The following HPCAL4 variants were observed in gnomAD, a reference collection of about 807,000 sequenced individuals.
HPCAL4 encodes hippocalcin like 4.
A neutral mutation model predicts 18.2 loss-of-function variants in HPCAL4; 16 were observed. The ratio of observed to expected loss-of-function variants is 0.88; its 90% CI spans 0.59 to 1.33. The LOEUF (loss-of-function observed/expected upper bound fraction) is 1.33, where lower values mean the gene tolerates loss of function less well. Among genes scored for constraint, HPCAL4 ranks in the 40% most tolerant of loss-of-function variants. HPCAL4 has a pLI of 0.00. For synonymous variants in HPCAL4, 80 were observed against 97.5 expected (o/e 0.82, Z 1.06); for missense variants, 214 against 256.6 (o/e 0.83, Z 1.14).
rs1460046345 is a variant in HPCAL4, at chr1:39,680,128, AAGCCTATAAAGG to A, written c.*2396_*2407del. 1.3e-5 allele frequency: 2 copies of A among 152,624 alleles called. No individual in the cohort carries two copies. The highest frequency in any genetic ancestry group is 4.8e-5 in the African/African-American group (2 of 41,454). 9.5% of individuals were successfully genotyped at this position (152,624 alleles called of 1,614,324 possible). A position where few individuals can be genotyped will look rare whatever the true frequency, so the allele number is the denominator to read the frequency against. On this transcript the variant is annotated 3_prime_UTR_variant, in exon 4 of 4. Coordinates refer to ENST00000372844, the MANE Select transcript of HPCAL4 (RefSeq NM_016257.4). ...ACAATCTCAGAAGCTTTTTAGCAGGAAGCCTATAAAGGATGAATATCAATGTAACTTGCCCTG... is the reference window on the plus strand; with the variant it reads ...ACAATCTCAGAAGCTTTTTAGCAGGAATGAATATCAATGTAACTTGCCCTG...
Position 39,684,140 on chromosome 1 carries a change from CG to C in HPCAL4, c.174del (p.Tyr58Ter). On this transcript the variant is annotated frameshift_variant, in exon 3 of 4. Transcript: ENST00000372844. LOFTEE classifies it high-confidence loss of function. ...TGCTGCGCGAACTTGGAGGCGTCGC[CG>C]TAGGGGAAGAACTGAGGGGGGTGCG... The part of the protein sequence containing the change: ...FQQLYIKFFP[Y>X]GDASKFAQHA... The C allele has an allele frequency of 6.2e-7, 1 of 1,611,700 alleles. No homozygotes were observed. Among genetic ancestry groups the C allele is most frequent in the Non-Finnish European group, 8.5e-7 (1 of 1,178,938 alleles).
chr1:39,690,717 G>A (rs1646711216), intron 1 of HPCAL4, among the ~76,000 whole-genome samples: 1 of 152,058 alleles, frequency 6.6e-6, no homozygotes, highest in African/African-American at 2.4e-5. Flanking sequence ...GAGAAAAACT[G>A]GGGAAGGGGG....
intron 1 of HPCAL4, among the ~76,000 whole-genome samples, chr1:39,686,307 C>T (rs1320325830): frequency 6.6e-6 from 1 of 151,982 alleles, no homozygotes; most frequent in Non-Finnish European, 1.5e-5. Context: ...GCTGAGATGG[C>T]ACCACTGTAC....
chr1:39,687,508 G>A (rs895912694), intron 1 of HPCAL4, among the ~76,000 whole-genome samples: 2 of 152,208 alleles, frequency 1.3e-5, no homozygotes, highest in Non-Finnish European at 2.9e-5. Context: ...GAGTGCACAC[G>A]TCTCTCTGTG....
intron 1 of HPCAL4, among the ~76,000 whole-genome samples, chr1:39,690,669 C>T (rs1646710970): frequency 6.6e-6 from 1 of 151,916 alleles, no homozygotes; most frequent in Non-Finnish European, 1.5e-5. Flanking sequence ...CTCTGCCTAG[C>T]ACTGGGGGCC....
Position 39,679,912 on chromosome 1 carries a change from G to A in HPCAL4, c.*2624C>T, listed in dbSNP as rs1454781247. ...CCAGAAGCCTGGAGTAATCAAACAC[G>A]CCTTCATGGGTAGGCATGTTTCTCT... On this transcript the variant is annotated 3_prime_UTR_variant, in exon 4 of 4. Transcript: ENST00000372844. The A allele has an allele frequency of 6.6e-6, 1 of 152,550 alleles. No homozygotes were observed. Among genetic ancestry groups the A allele is most frequent in the African/African-American group, 2.4e-5 (1 of 41,458 alleles). 9.4% of individuals were successfully genotyped at this position (152,550 alleles called of 1,614,324 possible). A position where few individuals can be genotyped will look rare whatever the true frequency, so the allele number is the denominator to read the frequency against.
intron 3 of HPCAL4, among the ~76,000 whole-genome samples, chr1:39,683,544 C>T (rs1309507634): frequency 1.3e-5 from 2 of 152,248 alleles, no homozygotes; most frequent in African/African-American, 4.8e-5. Context: ...GCACCTACGG[C>T]CTGACCCCGC....
intron 1 of HPCAL4, among the ~76,000 whole-genome samples, chr1:39,688,556 C>A (rs910373775): frequency 6.6e-6 from 1 of 152,146 alleles, no homozygotes; most frequent in Non-Finnish European, 1.5e-5. Context: ...AAGTGCCTTT[C>A]TTTTGATTCC....
rs1646613563 is a variant in HPCAL4, at chr1:39,680,160, G to A, written c.*2376C>T. 2 of 152,696 alleles carry A rather than the reference G, an allele frequency of 1.3e-5. No homozygotes were observed. Among genetic ancestry groups the A allele is most frequent in the African/African-American group, 4.8e-5 (2 of 41,566 alleles). 9.5% of individuals were successfully genotyped at this position (152,696 alleles called of 1,614,324 possible). A position where few individuals can be genotyped will look rare whatever the true frequency, so the allele number is the denominator to read the frequency against. ...TAAAGGATGAATATCAATGTAACTTGCCCTGCTGTCAACCTCTGCACAGCT... is the reference window on the plus strand; with the variant it reads ...TAAAGGATGAATATCAATGTAACTTACCCTGCTGTCAACCTCTGCACAGCT... On this transcript the variant is annotated 3_prime_UTR_variant, in exon 4 of 4. Transcript: ENST00000372844.
chr1:39,683,130 G>A (rs1011788148), intron 3 of HPCAL4, among the ~76,000 whole-genome samples: 10 of 152,058 alleles, frequency 6.6e-5, no homozygotes, highest in South Asian at 2.1e-4. Flanking sequence ...GTAATCCACC[G>A]GCCTCACCCT....
intron 1 of HPCAL4, among the ~76,000 whole-genome samples, chr1:39,685,224 C>CCAA (rs1357461740): frequency 6.6e-6 from 1 of 152,196 alleles, no homozygotes; most frequent in Non-Finnish European, 1.5e-5. Flanking sequence ...CAGACATGAG[C>CCAA]CAACCTTCAA....
In HPCAL4 at chr1:39,680,789, A is replaced by C. The variant is rs1007459923; in HGVS notation, c.*1747T>G. 1 of 152,368 alleles carries C rather than the reference A, an allele frequency of 6.6e-6. No homozygotes were observed. The highest frequency in any genetic ancestry group is 2.4e-5 in the African/African-American group (1 of 41,440). The allele number at this position is 152,368 out of a possible 1,614,324, so 9.4% of individuals were successfully genotyped here. ...GTGGCCTTGCTACCTCCAAGGGCCC[A>C]GTAGAGCTTGGGACCAAGCTCTATT... On this transcript the variant is annotated 3_prime_UTR_variant, in exon 4 of 4. Transcript: ENST00000372844.
rs1646642889 is a variant in HPCAL4, at chr1:39,683,224, G to A, written c.379-491C>T. On this transcript the variant is annotated intron_variant, in intron 3 of 3. Transcript: ENST00000372844. ...ATTTAGACTAAATAATATTTATGTG[G>A]ATGAAACATGCCAGAAGCCCAACTC... 2.6e-5 allele frequency among the ~76,000 whole-genome samples: 4 copies of A among 152,298 alleles called. No homozygotes were observed. In the South Asian group the frequency reaches 8.3e-4, roughly 32 times the overall value.
Position 39,684,429 on chromosome 1 carries a change from G to T in HPCAL4, c.162+13C>A. 7.1e-7 allele frequency: 1 copy of T among 1,407,402 alleles called. No homozygotes were observed. Among genetic ancestry groups the T allele is most frequent in the South Asian group, 1.7e-5 (1 of 58,666 alleles). The allele number at this position is 1,407,402 out of a possible 1,614,324, so 87.2% of individuals were successfully genotyped here. A position where few individuals can be genotyped will look rare whatever the true frequency, so the allele number is the denominator to read the frequency against. ...GGTACTTGGCTCCCTCACACCAGGT[G>T]CCGGCCGCCCACCTTGATGTAGAGC... is the stretch of plus-strand genomic sequence containing the variant. On this transcript the variant is annotated intron_variant, in intron 2 of 3. Transcript: ENST00000372844.
chr1:39,684,090 GTTC>G lies in HPCAL4; in HGVS notation c.222_224del (p.Lys74del). On this transcript the variant is annotated inframe_deletion, in exon 3 of 4. Transcript: ENST00000372844. ...CCCGGAAGTCGATGGTGCCGTCGCCGTTCTTGTCGAAGGTGCGGAAAGCGTGCT... is the reference window on the plus strand; with the variant it reads ...CCCGGAAGTCGATGGTGCCGTCGCCGTTGTCGAAGGTGCGGAAAGCGTGCT... 6.2e-7 allele frequency: 1 copy of G among 1,613,940 alleles called. No homozygotes were observed. The highest frequency in any genetic ancestry group is 8.5e-7 in the Non-Finnish European group (1 of 1,179,876).
chr1:39,682,424 G>T lies in HPCAL4; in HGVS notation c.*112C>A. On this transcript the variant is annotated 3_prime_UTR_variant, in exon 4 of 4. Coordinates refer to ENST00000372844, the MANE Select transcript of HPCAL4 (RefSeq NM_016257.4). ...AGGGCTTGGGCAGAGGACTGGGTGG[G>T]CCAGAGAGGGGGGCTGGAGTGTCCC... is the stretch of plus-strand genomic sequence containing the variant. 1 of 943,970 alleles carries T rather than the reference G, an allele frequency of 1.1e-6. No homozygotes were observed. The highest frequency in any genetic ancestry group is 1.6e-6 in the Non-Finnish European group (1 of 609,658). 58.5% of individuals were successfully genotyped at this position (943,970 alleles called of 1,614,324 possible). A position where few individuals can be genotyped will look rare whatever the true frequency, so the allele number is the denominator to read the frequency against.
At chr1:39,687,909 A>AAATAAAT (rs143422757) in intron 1 of HPCAL4, among the ~76,000 whole-genome samples, 2 of 143,644 alleles carry the variant, frequency 1.4e-5, no homozygotes, top group African/African-American at 5.0e-5. Context: ...TCTCAAAAAA[A>AAATAAAT]AAATAAGTAA....
intron 3 of HPCAL4, among the ~76,000 whole-genome samples, 187 bp downstream of exon 3, chr1:39,683,750 C>G (rs1646646702): frequency 6.6e-6 from 1 of 152,152 alleles, no homozygotes; most frequent in African/African-American, 2.4e-5. Flanking sequence ...GGGACAGTAA[C>G]CAACCCCTCC....
rs1199464774 is a variant in HPCAL4, at chr1:39,681,918, AC to A, written c.*617del. On this transcript the variant is annotated 3_prime_UTR_variant, in exon 4 of 4. Transcript: ENST00000372844. ...TTCCAGCACCTTCTGCTTAGCTGAGACCCTGACGGCTGGAAGTTTGCCTCAC... is the reference window on the plus strand; with the variant it reads ...TTCCAGCACCTTCTGCTTAGCTGAGACCTGACGGCTGGAAGTTTGCCTCAC... The A allele has an allele frequency of 1.3e-5, 2 of 153,008 alleles. No individual in the cohort carries two copies. The highest frequency in any genetic ancestry group is 2.9e-5 in the Non-Finnish European group (2 of 68,418). 9.5% of individuals were successfully genotyped at this position (153,008 alleles called of 1,614,324 possible).
Sources: gnomAD v4.1 joint callset for allele counts (sites outside exome capture counted in the v4.1 genomes callset) on GRCh38, gnomAD v4.1.1 for gene constraint, MANE v1.5 for transcripts, NCBI Gene and HGNC (gene_info 2026-07-23, HGNC 2026-07-21) for gene names.